The following MCC variants were observed in gnomAD, a reference collection of about 807,000 sequenced individuals.
The protein encoded by MCC is MCC regulator of Wnt signaling pathway.
Under a neutral mutation model 116.2 loss-of-function variants are expected in MCC, and 90 were observed. That is an observed-to-expected ratio of 0.77 (90% confidence interval 0.65 to 0.92). MCC has a LOEUF of 0.92. MCC is among the 40% of genes least tolerant of loss of function. The probability of loss-of-function intolerance (pLI) is 0.00; values close to 1 mark genes in which losing one functional copy is unlikely to be tolerated. For missense variants in MCC, 1,516 were observed against 1,312.2 expected (o/e 1.16, Z -2.40); for synonymous variants, 578 against 510.5 (o/e 1.13, Z -1.78).
At chr5:113,407,307 G>T (rs1446110721) in intron 1 of MCC, among the ~76,000 whole-genome samples, 1 of 152,172 alleles carries the variant, frequency 6.6e-6, no homozygotes, top group South Asian at 2.1e-4. Flanking sequence ...ACACTTTAAG[G>T]AGAAACTGGG....
chr5:113,090,024 G>A (rs553679675), intron 8 of MCC, among the ~76,000 whole-genome samples: 1 of 152,210 alleles, frequency 6.6e-6, no homozygotes, highest in Non-Finnish European at 1.5e-5. Flanking sequence ...AATTAGAGAT[G>A]TAAGTCTGAA....
intron 3 of MCC, among the ~76,000 whole-genome samples, chr5:113,248,521 C>G (rs1764658414): frequency 2.0e-5 from 3 of 152,094 alleles, no homozygotes; most frequent in Non-Finnish European, 4.4e-5. Context: ...TCCAAAACAC[C>G]TCTGGCCCCA....
intron 2 of MCC, among the ~76,000 whole-genome samples, chr5:113,359,052 C>T (rs1290725836): frequency 6.6e-6 from 1 of 152,146 alleles, no homozygotes; most frequent in Non-Finnish European, 1.5e-5. Context: ...ATTCAAAGGA[C>T]ATGTCTACTA....
intron 5 of MCC, among the ~76,000 whole-genome samples, chr5:113,137,282 G>T (rs1285153134): frequency 2.0e-5 from 3 of 152,116 alleles, no homozygotes; most frequent in Non-Finnish European, 4.4e-5. Context: ...AGAATAGAAT[G>T]GAAGAAACCA....
intron 1 of MCC, among the ~76,000 whole-genome samples, chr5:113,449,080 A>G (rs932822134): frequency 6.6e-6 from 1 of 152,254 alleles, no homozygotes; most frequent in Non-Finnish European, 1.5e-5. Flanking sequence ...AAAATCCTAC[A>G]GAGGGCCAGC....
At chr5:113,276,988 A>G (rs1399954675) in intron 3 of MCC, among the ~76,000 whole-genome samples, 1 of 151,998 alleles carries the variant, frequency 6.6e-6, no homozygotes, top group African/African-American at 2.4e-5. Flanking sequence ...AAACTTGAAA[A>G]AAATGCAGAA....
chr5:113,333,835 G>GTACATATATGTACATATGTA (rs1278469480), intron 3 of MCC, among the ~76,000 whole-genome samples: 1 of 81,334 alleles, frequency 1.2e-5, no homozygotes, highest in South Asian at 3.2e-4. Flanking sequence ...ATGTATATAT[G>GTACATATATGTACATATGTA]TATATATGTA....
chr5:113,433,659 C>A (rs1347397165), intron 1 of MCC: 16 of 1,501,192 alleles, frequency 1.1e-5, no homozygotes, highest in Non-Finnish European at 1.4e-5. Flanking sequence ...CCTTCCTTCT[C>A]TGGCTCCACC....
At chr5:113,120,505 T>C (rs1353751919) in intron 6 of MCC, among the ~76,000 whole-genome samples, 1 of 152,226 alleles carries the variant, frequency 6.6e-6, no homozygotes, top group Non-Finnish European at 1.5e-5. Context: ...GCTTCCAGAA[T>C]ACCACTCTCC....
At chr5:113,141,656 A>G (rs1392675500) in intron 5 of MCC, among the ~76,000 whole-genome samples, 2 of 152,234 alleles carry the variant, frequency 1.3e-5, no homozygotes, top group Non-Finnish European at 2.9e-5. Context: ...GCTCATTTAC[A>G]TAACAAAAAC....
intron 3 of MCC, among the ~76,000 whole-genome samples, chr5:113,192,558 G>T (rs915170360): frequency 6.6e-6 from 1 of 152,226 alleles, no homozygotes; most frequent in Admixed American, 6.5e-5. Context: ...TTTGGATCGG[G>T]TGTGCCAGAA....
At position 113,243,166 on chromosome 5, in the gene MCC, G is replaced by GTT. The variant is rs138727585; in HGVS notation, c.628-91746_628-91745dup. 1.4e-4 allele frequency among the ~76,000 whole-genome samples: 21 copies of GTT among 151,690 alleles called. 1 individual carries two copies. In the South Asian group the frequency reaches 1.5e-3, roughly 11 times the overall value. On this transcript the variant is annotated intron_variant, in intron 3 of 18. Transcript: ENST00000408903. ...TGGCTGTTACCAAGCATGTGTTTTT[G>GTT]TTTTTTTTGTTTTGTTTTGGTTTTT...
intron 16 of MCC, among the ~76,000 whole-genome samples, chr5:113,045,726 T>G (rs564636733): frequency 1.1e-4 from 17 of 148,850 alleles, no homozygotes; most frequent in African/African-American, 3.5e-4. Flanking sequence ...TTGAACCTGG[T>G]AGGTGGAGGC....
chr5:113,075,715 G>A (rs1254366108), intron 11 of MCC, among the ~76,000 whole-genome samples: 3 of 151,966 alleles, frequency 2.0e-5, no homozygotes, highest in Non-Finnish European at 4.4e-5. Context: ...AATAAAAGCA[G>A]GCTGCCCGAG....
chr5:113,066,110 T>C (rs1040432842), intron 13 of MCC, among the ~76,000 whole-genome samples: 1 of 152,358 alleles, frequency 6.6e-6, no homozygotes, highest in Middle Eastern at 3.4e-3. Context: ...TTCCCAGTAT[T>C]AGGTAAATAC....
chr5:113,212,198 A>G (rs1763159886), intron 3 of MCC, among the ~76,000 whole-genome samples: 1 of 152,242 alleles, frequency 6.6e-6, no homozygotes, highest in Admixed American at 6.5e-5. Context: ...TACATATATA[A>G]CCAATCTTTA....
At chr5:113,199,158 C>T (rs969054067) in intron 3 of MCC, among the ~76,000 whole-genome samples, 3 of 151,622 alleles carry the variant, frequency 2.0e-5, no homozygotes, top group Admixed American at 6.6e-5. Flanking sequence ...GGTGACAGAG[C>T]GAGACTCCGT....
chr5:113,266,420 A>G (rs1247311972), intron 3 of MCC, among the ~76,000 whole-genome samples: 1 of 152,248 alleles, frequency 6.6e-6, no homozygotes, highest in Non-Finnish European at 1.5e-5. Flanking sequence ...TTACACATAC[A>G]GCCAGAGTCA....
chr5:113,114,582 C>G (rs1293637009), intron 6 of MCC, among the ~76,000 whole-genome samples: 3 of 152,142 alleles, frequency 2.0e-5, no homozygotes. Flanking sequence ...GCCTACCCCG[C>G]CCCCCATCCT....
Sources: gnomAD v4.1 joint callset for allele counts (sites outside exome capture counted in the v4.1 genomes callset) on GRCh38, gnomAD v4.1.1 for gene constraint, MANE v1.5 for transcripts, NCBI Gene and HGNC (gene_info 2026-07-23, HGNC 2026-07-21) for gene names.